Variants in DPP10 observed in about 807,000 individuals in gnomAD.
DPP10 encodes the protein dipeptidyl peptidase like 10, also known as inactive dipeptidyl peptidase 10.
Under a neutral mutation model 120.9 loss-of-function variants are expected in DPP10, and 33 were observed. The observed-to-expected ratio is 0.27, with a 90% CI of 0.21 to 0.37. DPP10 has a LOEUF of 0.37. Ranked by LOEUF, DPP10 falls within the 10% of genes least tolerant of loss-of-function variation. The pLI, the probability that DPP10 is intolerant of heterozygous loss-of-function variation, is 1.00. For missense variants in DPP10, 816 were observed against 942.8 expected, an observed-to-expected ratio of 0.87 and a Z score of 1.76; for synonymous variants, 337 against 326.1, an observed-to-expected ratio of 1.03 and a Z score of -0.36.
chr2:114,597,100 T>C (rs1322775843), intron 1 of DPP10, among the ~76,000 whole-genome samples: 4 of 151,958 alleles, frequency 2.6e-5, no homozygotes, highest in Non-Finnish European at 5.9e-5. Context: ...AAAGACTTAG[T>C]ACATTATGGT....
intron 1 of DPP10, among the ~76,000 whole-genome samples, chr2:114,602,310 T>A (rs934081787): frequency 1.3e-5 from 2 of 148,570 alleles, no homozygotes; most frequent in Non-Finnish European, 3.0e-5. Context: ...ATGTAATACT[T>A]GTTAATGTGT....
intron 1 of DPP10, among the ~76,000 whole-genome samples, chr2:115,231,199 A>G (rs952362797): frequency 6.6e-6 from 1 of 152,062 alleles, no homozygotes; most frequent in African/African-American, 2.4e-5. Flanking sequence ...GATTAAAAAA[A>G]TGAATTAAAT....
intron 1 of DPP10, among the ~76,000 whole-genome samples, chr2:114,527,255 T>A (rs1685581387): frequency 6.6e-6 from 1 of 152,202 alleles, no homozygotes; most frequent in South Asian, 2.1e-4. Flanking sequence ...AACCAGGTAT[T>A]GTTTCAATAA....
At chr2:115,131,429 C>A (rs1159003230) in intron 1 of DPP10, among the ~76,000 whole-genome samples, 4 of 152,078 alleles carry the variant, frequency 2.6e-5, no homozygotes, top group Non-Finnish European at 5.9e-5. Context: ...AGGAGGATTG[C>A]TTGAGTCCGG....
At chr2:115,652,028 T>C (rs1399197543) in intron 5 of DPP10, among the ~76,000 whole-genome samples, 2 of 152,220 alleles carry the variant, frequency 1.3e-5, no homozygotes, top group East Asian at 1.9e-4. Flanking sequence ...GACTCTATAA[T>C]TGACCTTATC....
At chr2:115,555,196 T>A (rs2080131680) in intron 5 of DPP10, among the ~76,000 whole-genome samples, 1 of 152,088 alleles carries the variant, frequency 6.6e-6, no homozygotes, top group Non-Finnish European at 1.5e-5. Context: ...CTAGAATATA[T>A]TATTTCCTAT....
intron 1 of DPP10, among the ~76,000 whole-genome samples, chr2:115,245,005 T>TC (rs1432498209): frequency 9.2e-5 from 14 of 151,910 alleles, no homozygotes; most frequent in Admixed American, 9.2e-4. Flanking sequence ...CTCAGCCCCT[T>TC]CCCCCCGAGT....
In DPP10 at chr2:114,973,572, G is replaced by A. The variant is rs1348422189; in HGVS notation, c.61-335667G>A. Among the ~76,000 whole-genome samples, 5 of 142,370 alleles carry A rather than the reference G, an allele frequency of 3.5e-5. No homozygotes were observed. In the East Asian group the frequency reaches 6.5e-4, roughly 18 times the overall value. The allele number at this position is 142,370 out of a possible 152,430, so 93.4% of individuals were successfully genotyped here. ...AGCTACTCGGGAGACTGAGACAGGA[G>A]AATGGCATGAACCCGGGAGGTGGAG... On this transcript the variant is annotated intron_variant, in intron 1 of 25. Transcript: ENST00000410059.
At chr2:114,687,951 T>C (rs565461694) in intron 1 of DPP10, among the ~76,000 whole-genome samples, 8 of 152,152 alleles carry the variant, frequency 5.3e-5, no homozygotes, top group African/African-American at 1.7e-4. Flanking sequence ...AGTTTTTCTG[T>C]AATGAAAACA....
At chr2:115,404,456 T>C (rs767432775) in intron 3 of DPP10, among the ~76,000 whole-genome samples, 2 of 152,114 alleles carry the variant, frequency 1.3e-5, no homozygotes, top group African/African-American at 4.8e-5. Context: ...TATATCAACT[T>C]ATATACTGAA....
At chr2:115,834,979 G>A (rs917738843) in intron 21 of DPP10, among the ~76,000 whole-genome samples, 1 of 151,868 alleles carries the variant, frequency 6.6e-6, no homozygotes, top group Admixed American at 6.6e-5. Context: ...CCAGCTGCTC[G>A]GGAGGCTGAG....
intron 1 of DPP10, among the ~76,000 whole-genome samples, chr2:114,465,573 C>T (rs922535351): frequency 1.3e-5 from 2 of 152,194 alleles, no homozygotes; most frequent in Non-Finnish European, 2.9e-5. Context: ...AAACAATATT[C>T]CTGCAAGTTC....
intron 5 of DPP10, among the ~76,000 whole-genome samples, chr2:115,679,488 A>C (rs2090504297): frequency 2.0e-5 from 3 of 152,146 alleles, no homozygotes; most frequent in South Asian, 4.1e-4. Context: ...AGGCCTTCCC[A>C]GCCATTTGGA....
intron 1 of DPP10, among the ~76,000 whole-genome samples, chr2:115,041,132 A>T (rs1016604347): frequency 6.6e-6 from 1 of 151,752 alleles, no homozygotes; most frequent in African/African-American, 2.4e-5. Context: ...AAAAAAAAAA[A>T]AAAAAAGTTT....
intron 1 of DPP10, among the ~76,000 whole-genome samples, chr2:114,558,267 A>C (rs1004425876): frequency 1.3e-5 from 2 of 152,206 alleles, no homozygotes; most frequent in African/African-American, 4.8e-5. Context: ...ACTTTAAACC[A>C]AGCAAAAATT....
intron 1 of DPP10, among the ~76,000 whole-genome samples, chr2:114,500,105 T>C (rs1683028787): frequency 6.6e-6 from 1 of 152,248 alleles, no homozygotes; most frequent in South Asian, 2.1e-4. Flanking sequence ...GCACATTTTA[T>C]GCTGTTTCTG....
At chr2:115,415,340 A>G (rs1257986507) in intron 3 of DPP10, among the ~76,000 whole-genome samples, 1 of 152,192 alleles carries the variant, frequency 6.6e-6, no homozygotes, top group Non-Finnish European at 1.5e-5. Flanking sequence ...GCCCCATTAC[A>G]GACCAGACAT....
At position 115,041,152 on chromosome 2, in the gene DPP10, C is replaced by T. The variant is rs570111720; in HGVS notation, c.61-268087C>T. 2.0e-5 allele frequency among the ~76,000 whole-genome samples: 3 copies of T among 151,606 alleles called. No individual in the cohort carries two copies. In the South Asian group the frequency reaches 6.3e-4, roughly 32 times the overall value. On this transcript the variant is annotated intron_variant, in intron 1 of 25. Transcript: ENST00000410059. ...AAAAAAAAAAAAGTTTTCCTGAGTTCTCCCCAGCCATGCTTCCTGTACATC... is the reference window on the plus strand; with the variant it reads ...AAAAAAAAAAAAGTTTTCCTGAGTTTTCCCCAGCCATGCTTCCTGTACATC...
intron 5 of DPP10, among the ~76,000 whole-genome samples, chr2:115,603,932 A>T (rs1016596822): frequency 3.3e-5 from 5 of 152,210 alleles, no homozygotes; most frequent in African/African-American, 1.2e-4. Flanking sequence ...CTAGGTGTTT[A>T]CATCTTAAGA....
Sources: allele counts gnomAD v4.1 joint callset (sites outside exome capture counted in the v4.1 genomes callset), GRCh38; gene constraint gnomAD v4.1.1; transcripts MANE v1.5; gene names NCBI Gene and HGNC (gene_info 2026-07-23, HGNC 2026-07-21).